The following TMTC2 variants were observed in gnomAD, a reference collection of about 807,000 sequenced individuals.
TMTC2 encodes transmembrane O-mannosyltransferase targeting cadherins 2.
In TMTC2, 43 loss-of-function variants were observed where a neutral mutation model predicts 82.4. That is an observed-to-expected ratio of 0.52 (90% CI 0.41 to 0.67). TMTC2 has a LOEUF of 0.67. TMTC2 is among the 30% of genes least tolerant of loss of function. TMTC2 has a pLI of 0.00. For missense variants in TMTC2, 919 were observed against 1,012.4 expected, an observed-to-expected ratio of 0.91 and a Z score of 1.25; for synonymous variants, 408 against 381.9, an observed-to-expected ratio of 1.07 and a Z score of -0.80.
intron 1 of TMTC2, among the ~76,000 whole-genome samples, chr12:82,694,007 T>C (rs376112004): frequency 2.0e-5 from 3 of 151,726 alleles, no homozygotes; most frequent in East Asian, 3.9e-4. Context: ...AAATGTTTGC[T>C]TCAGTCTTTT....
chr12:82,892,340 C>G (rs1261546472), intron 2 of TMTC2, among the ~76,000 whole-genome samples: 2 of 152,008 alleles, frequency 1.3e-5, no homozygotes, highest in African/African-American at 4.8e-5. Context: ...ATTTAACATT[C>G]AATAGTTTTC....
chr12:82,944,342 T>C (rs1340174760), intron 4 of TMTC2, among the ~76,000 whole-genome samples: 1 of 152,088 alleles, frequency 6.6e-6, no homozygotes, highest in Non-Finnish European at 1.5e-5. Flanking sequence ...CCCAGCACTT[T>C]GGGAGGCCAA....
At chr12:82,840,213 C>T (rs1205515322) in intron 1 of TMTC2, among the ~76,000 whole-genome samples, 2 of 152,190 alleles carry the variant, frequency 1.3e-5, no homozygotes, top group Non-Finnish European at 2.9e-5. Context: ...TACTGTTCAC[C>T]ATAAACAACA....
At chr12:83,043,335 C>T (rs1461725118) in intron 9 of TMTC2, among the ~76,000 whole-genome samples, 1 of 152,174 alleles carries the variant, frequency 6.6e-6, no homozygotes, top group African/African-American at 2.4e-5. Context: ...TGTGTTACTA[C>T]CCTCTTCTAG....
chr12:83,028,601 T>TA (rs957646746), intron 8 of TMTC2, among the ~76,000 whole-genome samples: 7 of 152,214 alleles, frequency 4.6e-5, no homozygotes, highest in Admixed American at 1.3e-4. Context: ...CGCATTGCTC[T>TA]AAAAATCACA....
chr12:82,971,718 G>C (rs1410336477), intron 7 of TMTC2, among the ~76,000 whole-genome samples: 1 of 151,822 alleles, frequency 6.6e-6, no homozygotes, highest in Non-Finnish European at 1.5e-5. Flanking sequence ...GAGAACAAAA[G>C]GGCATAATGT....
At chr12:82,986,710 C>A (rs1879168704) in intron 8 of TMTC2, 1 of 152,340 alleles carries the variant, frequency 6.6e-6, no homozygotes, top group Admixed American at 6.5e-5. Context: ...GTGACAAGCA[C>A]CCTTGGAGGC....
At chr12:82,778,270 G>A (rs1877699229) in intron 1 of TMTC2, among the ~76,000 whole-genome samples, 1 of 152,070 alleles carries the variant, frequency 6.6e-6, no homozygotes, top group Admixed American at 6.5e-5. Context: ...ACACAGAGAA[G>A]CAAATAATTT....
chr12:82,716,525 G>A (rs1362515231), intron 1 of TMTC2, among the ~76,000 whole-genome samples: 3 of 152,092 alleles, frequency 2.0e-5, no homozygotes, highest in Admixed American at 6.5e-5. Flanking sequence ...CACCATGCCC[G>A]GCTAATTTTT....
intron 8 of TMTC2, among the ~76,000 whole-genome samples, chr12:83,016,311 T>G (rs1158139599): frequency 6.6e-6 from 1 of 152,232 alleles, no homozygotes; most frequent in Non-Finnish European, 1.5e-5. Context: ...TTGGACTGAC[T>G]AGATAGCCCT....
At chr12:82,804,473 C>A (rs1264486646) in intron 1 of TMTC2, among the ~76,000 whole-genome samples, 2 of 152,118 alleles carry the variant, frequency 1.3e-5, no homozygotes, top group African/African-American at 4.8e-5. Context: ...AGAGGTGTTA[C>A]TTCTTCACTC....
intron 1 of TMTC2, among the ~76,000 whole-genome samples, chr12:82,756,893 G>A (rs1467591720): frequency 6.6e-6 from 1 of 152,102 alleles, no homozygotes; most frequent in Non-Finnish European, 1.5e-5. Flanking sequence ...TTTTCTTCCT[G>A]TGAAGAGAAT....
chr12:82,845,226 CAAAAAAAAA>C (rs66859423), intron 1 of TMTC2, among the ~76,000 whole-genome samples: 15 of 45,556 alleles, frequency 3.3e-4, no homozygotes, highest in South Asian at 1.4e-3. Context: ...GTGACTGTCT[CAAAAAAAAA>C]AAAAAAAAAA....
chr12:82,935,426 A>T (rs74401239), intron 4 of TMTC2, among the ~76,000 whole-genome samples: 4,442 of 152,204 alleles, frequency 0.029, 86 homozygotes, highest in South Asian at 0.047. Context: ...GGTTTAACAG[A>T]TTTGCATTAT....
intron 7 of TMTC2, among the ~76,000 whole-genome samples, chr12:82,973,020 A>G (rs1320513867): frequency 6.6e-6 from 1 of 152,150 alleles, no homozygotes; most frequent in Non-Finnish European, 1.5e-5. Flanking sequence ...TCTTAAGTGG[A>G]TTGCTCAAGG....
chr12:83,106,182 T>G lies in TMTC2; in HGVS notation c.2332-26028T>G, dbSNP rs370648404. On this transcript the variant is annotated intron_variant, in intron 11 of 11. Coordinates refer to ENST00000321196, the MANE Select transcript of TMTC2 (RefSeq NM_152588.3). ...AAGGAAACAATGTAAAAAGATCTAA[T>G]GTCTATTTACAGCCACAAAGTATAA... 9.6e-4 allele frequency among the ~76,000 whole-genome samples: 146 copies of G among 152,284 alleles called. 1 individual carries two copies. In the South Asian group the frequency reaches 0.023, roughly 24 times the overall value.
At chr12:82,947,958 C>T (rs1021620518) in intron 4 of TMTC2, among the ~76,000 whole-genome samples, 6 of 152,126 alleles carry the variant, frequency 3.9e-5, no homozygotes, top group Non-Finnish European at 7.3e-5. Flanking sequence ...TGACTGAAGC[C>T]GCTAAATGAT....
chr12:82,876,434 G>T (rs549778880), intron 2 of TMTC2, among the ~76,000 whole-genome samples: 1 of 152,194 alleles, frequency 6.6e-6, no homozygotes, highest in Non-Finnish European at 1.5e-5. Context: ...CTCTCTTCAT[G>T]TCTCTCTAAA....
chr12:82,936,510 A>C (rs914000296), intron 4 of TMTC2, among the ~76,000 whole-genome samples: 1 of 152,104 alleles, frequency 6.6e-6, no homozygotes, highest in African/African-American at 2.4e-5. Flanking sequence ...AATATAATGG[A>C]TGTAGCACAT....
Sources: allele counts gnomAD v4.1 joint callset (sites outside exome capture counted in the v4.1 genomes callset), GRCh38; gene constraint gnomAD v4.1.1; transcripts MANE v1.5; gene names NCBI Gene and HGNC (gene_info 2026-07-23, HGNC 2026-07-21).